The following MAPK14 variants were observed in gnomAD, a reference collection of about 807,000 sequenced individuals.
MAPK14 encodes CSAID-binding protein.
In MAPK14, 16 loss-of-function variants were observed where a neutral mutation model predicts 49.6. The observed-to-expected ratio is 0.32, with a 90% CI of 0.22 to 0.49. The LOEUF (loss-of-function observed/expected upper bound fraction) is 0.49. Among genes scored for constraint, MAPK14 ranks in the 20% least tolerant of loss-of-function variants. The pLI, the probability that MAPK14 is intolerant of heterozygous loss-of-function variation, is 0.99. For synonymous variants in MAPK14, 142 were observed against 158.0 expected, an observed-to-expected ratio of 0.90 and a Z score of 0.76; for missense variants, 200 against 441.2, an observed-to-expected ratio of 0.45 and a Z score of 4.90.
chr6:36,042,849 C>T (rs768559838), intron 1 of MAPK14, among the ~76,000 whole-genome samples: 80 of 152,178 alleles, frequency 5.3e-4, no homozygotes, highest in Admixed American at 1.1e-3. Flanking sequence ...CTTGCAGGCT[C>T]GTGCCTGCAA....
chr6:36,084,242 G>A (rs1764885493), intron 8 of MAPK14, among the ~76,000 whole-genome samples: 1 of 152,102 alleles, frequency 6.6e-6, no homozygotes, highest in Non-Finnish European at 1.5e-5. Context: ...AGATGAGAAA[G>A]AATCAATGAA....
chr6:36,038,574 C>G (rs1425999951), intron 1 of MAPK14, among the ~76,000 whole-genome samples: 1 of 152,148 alleles, frequency 6.6e-6, no homozygotes, highest in Non-Finnish European at 1.5e-5. Context: ...GTTTCGGTTC[C>G]TTACCCATTC....
chr6:36,059,800 A>C (rs939063112), intron 3 of MAPK14, among the ~76,000 whole-genome samples: 4 of 152,152 alleles, frequency 2.6e-5, no homozygotes, highest in Non-Finnish European at 5.9e-5. Context: ...CTACAGGCAC[A>C]TGCTACCATG....
intron 1 of MAPK14, among the ~76,000 whole-genome samples, chr6:36,040,171 G>C (rs114793391): frequency 0.013 from 1,908 of 152,184 alleles, 48 homozygotes; most frequent in African/African-American, 0.043. Flanking sequence ...TGACACTTTA[G>C]GTGGGATAAT....
chr6:36,073,378 T>C (rs1764386547), intron 4 of MAPK14, among the ~76,000 whole-genome samples: 1 of 152,202 alleles, frequency 6.6e-6, no homozygotes, highest in Non-Finnish European at 1.5e-5. Flanking sequence ...GAAAGACTAA[T>C]TTATTTGTTG....
At chr6:36,042,373 G>C (rs851020) in intron 1 of MAPK14, among the ~76,000 whole-genome samples, 63,920 of 151,792 alleles carry the variant, frequency 0.42, 15,046 homozygotes, top group South Asian at 0.62. Flanking sequence ...GTCAAAGTCT[G>C]GTAAATTTAT....
At chr6:36,044,613 G>C (rs1025784400) in intron 1 of MAPK14, among the ~76,000 whole-genome samples, 3 of 152,194 alleles carry the variant, frequency 2.0e-5, no homozygotes, top group African/African-American at 7.2e-5. Context: ...GGTGGCTCAT[G>C]CCTGTAACCC....
intron 3 of MAPK14, among the ~76,000 whole-genome samples, chr6:36,063,194 G>A (rs1318303762): frequency 1.3e-5 from 2 of 152,068 alleles, no homozygotes; most frequent in Admixed American, 6.5e-5. Flanking sequence ...CTACAAACCT[G>A]CATGGCATGT....
chr6:36,032,999 T>C (rs948561974), intron 1 of MAPK14, among the ~76,000 whole-genome samples: 1 of 142,128 alleles, frequency 7.0e-6, no homozygotes, highest in Non-Finnish European at 1.5e-5. Flanking sequence ...TTTTTTTTTT[T>C]AGAATGAGCC....
intron 8 of MAPK14, chr6:36,092,134 G>A (rs1212157087): frequency 5.8e-6 from 3 of 519,412 alleles, no homozygotes; most frequent in Admixed American, 3.9e-5. Context: ...CTTGGGTAAC[G>A]AAATGACTTC....
At chr6:36,113,343 T>TAAAA (rs35876911), downstream of MAPK14, among the ~76,000 whole-genome samples, 39 of 71,516 alleles carry the variant, frequency 5.5e-4, no homozygotes, top group East Asian at 1.4e-3. Context: ...CCCTGTCTCA[T>TAAAA]AAAAAAAAAA....
chr6:36,073,962 A>T, intron 5 of MAPK14, 87 bp from the exon 6 acceptor site: 3 of 1,046,842 alleles, frequency 2.9e-6, no homozygotes, highest in Non-Finnish European at 1.5e-6. Flanking sequence ...GAAGTCTTTT[A>T]TGTCTGGATC....
chr6:36,035,556 A>G (rs554060241), intron 1 of MAPK14, among the ~76,000 whole-genome samples: 34 of 152,378 alleles, frequency 2.2e-4, no homozygotes, highest in African/African-American at 7.5e-4. Context: ...GCTAGAAATG[A>G]TTAAGCATAG....
At chr6:36,036,922 A>G (rs1762773835) in intron 1 of MAPK14, among the ~76,000 whole-genome samples, 2 of 151,788 alleles carry the variant, frequency 1.3e-5, no homozygotes, top group South Asian at 4.2e-4. Flanking sequence ...TGTATTTTTA[A>G]TAGAGATGGG....
At chr6:36,046,667 A>G (rs1763191581) in intron 1 of MAPK14, among the ~76,000 whole-genome samples, 1 of 152,230 alleles carries the variant, frequency 6.6e-6, no homozygotes, top group South Asian at 2.1e-4. Context: ...GGAGTATTAT[A>G]AACATGTAAT....
At chr6:36,030,000 A>C (rs752196407) in intron 1 of MAPK14, among the ~76,000 whole-genome samples, 23 of 150,666 alleles carry the variant, frequency 1.5e-4, no homozygotes, top group Non-Finnish European at 2.8e-4. Flanking sequence ...ACGTATTTGG[A>C]TCATTGCTCT....
At chr6:36,056,600 A>G (rs1763598283) in intron 2 of MAPK14, among the ~76,000 whole-genome samples, 1 of 152,224 alleles carries the variant, frequency 6.6e-6, no homozygotes, top group South Asian at 2.1e-4. Context: ...TCAGTTTGAA[A>G]TTGGAGTTTT....
rs1018231304 is a variant in MAPK14, at chr6:36,028,570, G to C, written c.116+297G>C. Among the ~76,000 whole-genome samples, 1 of 152,182 alleles carries C rather than the reference G, an allele frequency of 6.6e-6. No homozygotes were observed. The highest frequency in any genetic ancestry group is 1.5e-5 in the Non-Finnish European group (1 of 68,018). ...TTCCCCTCTCGGAGGGTTGCTGCTC[G>C]GCAACAGGCACCGGGGGAAGGGCCG... On this transcript the variant is annotated intron_variant, in intron 1 of 11. Coordinates refer to ENST00000229794, the MANE Select transcript of MAPK14 (RefSeq NM_139012.3). The surrounding 1 kb of genome is among the most constrained non-coding windows in gnomAD (Gnocchi z 5.1).
chr6:36,041,728 G>A (rs942093176), intron 1 of MAPK14, among the ~76,000 whole-genome samples: 1 of 152,132 alleles, frequency 6.6e-6, no homozygotes, highest in Non-Finnish European at 1.5e-5. Context: ...ATAACTCTAG[G>A]TATTAATGCA....
Sources: allele counts gnomAD v4.1 joint callset (sites outside exome capture counted in the v4.1 genomes callset), GRCh38; gene constraint gnomAD v4.1.1; non-coding constraint Gnocchi (gnomAD v3.1); transcripts MANE v1.5; gene names NCBI Gene and HGNC (gene_info 2026-07-23, HGNC 2026-07-21).